MID1: variants seen among roughly 807,000 people sequenced by gnomAD.
MID1 encodes the protein E3 ubiquitin-protein ligase Midline-1.
In MID1, 7 loss-of-function variants were observed where a neutral mutation model predicts 40.4. That is an observed-to-expected ratio of 0.17 (90% CI 0.10 to 0.33). The LOEUF (loss-of-function observed/expected upper bound fraction) is 0.33, where lower values mean the gene tolerates loss of function less well. MID1 is among the 10% of genes least tolerant of loss of function. The probability of loss-of-function intolerance (pLI) is 1.00; values close to 1 mark genes in which losing one functional copy is unlikely to be tolerated. For synonymous variants in MID1, 229 were observed against 221.2 expected (o/e 1.04, Z -0.31); for missense variants, 367 against 558.5 (o/e 0.66, Z 3.46).
chrX:10,823,811 G>A (rs2044195642), intron 1 of MID1, among the ~76,000 whole-genome samples: 1 of 111,221 alleles, frequency 9.0e-6, no homozygotes, highest in African/African-American at 3.3e-5. Context: ...AAATGGTCTT[G>A]GAAGCGACAA....
chrX:10,467,983 G>T, intron 7 of MID1, among the ~76,000 whole-genome samples: 1 of 111,291 alleles, frequency 9.0e-6, no homozygotes, highest in Middle Eastern at 4.7e-3. Context: ...GCCTTAACTT[G>T]CTAAAATGCA....
intron 4 of MID1, among the ~76,000 whole-genome samples, chrX:10,488,024 C>T (rs188433407): frequency 0.064 from 6,592 of 102,712 alleles, 530 homozygotes; most frequent in African/African-American, 0.2. Flanking sequence ...CTCTATCACC[C>T]GGGCTGGAGT....
intron 1 of MID1, among the ~76,000 whole-genome samples, chrX:10,695,223 C>A (rs933400428): frequency 1.3e-4 from 15 of 111,833 alleles, no homozygotes; most frequent in Non-Finnish European, 2.8e-4. Flanking sequence ...CTCCTGGGCT[C>A]AAGCAATCCT....
rs5979355 is a variant in MID1 at position 10,811,983 on chromosome X, G to A, written c.-187+21571C>T. 1.7e-3 allele frequency among the ~76,000 whole-genome samples: 188 copies of A among 111,628 alleles called. 1 individual carries two copies. Among genetic ancestry groups the A allele is most frequent in the African/African-American group, 5.9e-3 (182 of 30,777 alleles). On this transcript the variant is annotated intron_variant, in intron 1 of 10. Coordinates refer to the MID1 transcript ENST00000380785. ...AGGTTTTTTTGTTATGTCATTAATG[G>A]TTAATTTAAAGTTGGCAACCCATAT...
At chrX:10,804,386 G>A (rs1265067572) in intron 1 of MID1, among the ~76,000 whole-genome samples, 1 of 111,641 alleles carries the variant, frequency 9.0e-6, no homozygotes, top group Non-Finnish European at 1.9e-5. Flanking sequence ...AATAGAAACT[G>A]AGGTACATAA....
intron 1 of MID1, among the ~76,000 whole-genome samples, chrX:10,597,609 C>G (rs1284912585): frequency 9.0e-6 from 1 of 111,595 alleles, no homozygotes. Flanking sequence ...TAGATTTATA[C>G]TATATTTGTG....
In MID1 at chrX:10,567,417, G is replaced by C; in HGVS notation, c.131C>G (p.Thr44Ser). 8.3e-7 allele frequency: 1 copy of C among 1,209,674 alleles called. No individual in the cohort carries two copies. Among genetic ancestry groups the C allele is most frequent in the South Asian group, 1.8e-5 (1 of 56,745 alleles). The change falls in exon 2 of 10, where the codon ACC (threonine) becomes AGC (serine). Residue 44 changes from threonine to serine, a missense_variant. Physicochemically the swap from Thr to Ser is moderately conservative, Grantham distance 58. Around this residue, in one of 3 missense-constraint regions of MID1, gnomAD observed 78 missense variants for 112.6 expected, o/e 0.69. Coordinates refer to ENST00000317552, the MANE Select transcript of MID1 (RefSeq NM_000381.4). ...GGTGATGGACTCCACAGACTCGTTG[G>C]TGGCACAGTGTGATACTAGGATGCG... ...AHRILVSHCA[T>S]NESVESITAF...
intron 4 of MID1, among the ~76,000 whole-genome samples, chrX:10,491,031 A>G (rs1930917936): frequency 8.9e-6 from 1 of 111,762 alleles, no homozygotes; most frequent in African/African-American, 3.3e-5. Flanking sequence ...TTCCTTCATC[A>G]ACCTTAACTA....
intron 5 of MID1, 37 bp from the exon 6 acceptor site, chrX:10,474,787 A>G (rs749981226): frequency 8.4e-7 from 1 of 1,189,108 alleles, no homozygotes; most frequent in Non-Finnish European, 1.1e-6. Flanking sequence ...AGAAATGTCA[A>G]GATGACTTTC....
At chrX:10,789,525 C>A (rs963696372) in intron 1 of MID1, among the ~76,000 whole-genome samples, 1 of 112,090 alleles carries the variant, frequency 8.9e-6, no homozygotes, top group African/African-American at 3.2e-5. Context: ...CAGTTGCCTG[C>A]AGTATTCAGT....
At chrX:10,506,530 GAGCTGGTTGAA>G (rs1186335380) in intron 3 of MID1, 2 of 515,582 alleles carry the variant, frequency 3.9e-6, no homozygotes, top group Non-Finnish European at 6.9e-6. Context: ...CTCCCATCAG[GAGCTGGTTGAA>G]AGCTGTTGGG....
At chrX:10,496,298 C>G (rs1368345979) in intron 3 of MID1, among the ~76,000 whole-genome samples, 1 of 112,258 alleles carries the variant, frequency 8.9e-6, no homozygotes, top group Non-Finnish European at 1.9e-5. Context: ...TAGTATACTT[C>G]TGAAAGATCA....
At chrX:10,517,050 A>G (rs1422609486) in intron 3 of MID1, among the ~76,000 whole-genome samples, 1 of 111,948 alleles carries the variant, frequency 8.9e-6, no homozygotes, top group Admixed American at 9.5e-5. Flanking sequence ...CTGAAGGGGA[A>G]CCTTCAAACT....
rs1032775335 is a variant in MID1 at position 10,620,428 on chromosome X, A to G, written c.-195T>C. 8.8e-6 allele frequency: 1 copy of G among 113,128 alleles called. No individual in the cohort carries two copies. Among genetic ancestry groups the G allele is most frequent in the Non-Finnish European group, 1.9e-5 (1 of 53,350 alleles). The allele number at this position is 113,128 out of a possible 1,213,427, so 9.3% of individuals were successfully genotyped here. On this transcript the variant is annotated 5_prime_UTR_variant, in exon 1 of 10. Transcript: ENST00000317552. ...AAGCAACCCGGCGAAATCTACGGGC[A>G]GCAAAGAGCACGTTTTCGTCCTCTT...
intron 1 of MID1, among the ~76,000 whole-genome samples, chrX:10,770,726 T>G (rs1241311829): frequency 8.9e-6 from 1 of 112,160 alleles, no homozygotes; most frequent in Non-Finnish European, 1.9e-5. Flanking sequence ...CTCCTCTAAA[T>G]TCTTCATTTT....
At chrX:10,751,069 AGCTTGGCCAACATG>A (rs1266673260) in intron 1 of MID1, among the ~76,000 whole-genome samples, 1 of 110,540 alleles carries the variant, frequency 9.0e-6, no homozygotes, top group East Asian at 2.8e-4. Flanking sequence ...GTTCGAAACC[AGCTTGGCCAACATG>A]GCAAAACCCC....
chrX:10,582,846 A>G (rs779379757), intron 1 of MID1: 1 of 112,229 alleles, frequency 8.9e-6, no homozygotes, highest in South Asian at 3.7e-4. Flanking sequence ...ATAGACTAAA[A>G]CTGGAATGAT....
intron 1 of MID1, among the ~76,000 whole-genome samples, chrX:10,763,467 C>T (rs895158585): frequency 3.6e-5 from 4 of 110,975 alleles, no homozygotes; most frequent in Non-Finnish European, 5.7e-5. Context: ...TCTCCAGCTT[C>T]ATCCATGTCC....
At chrX:10,524,198 T>G (rs1407060160) in intron 2 of MID1, among the ~76,000 whole-genome samples, 1 of 112,008 alleles carries the variant, frequency 8.9e-6, no homozygotes, top group Admixed American at 9.5e-5. Flanking sequence ...CTTAAAGTTC[T>G]CTGGAATGAC....
Sources: allele counts gnomAD v4.1 joint callset (sites outside exome capture counted in the v4.1 genomes callset), GRCh38; gene constraint gnomAD v4.1.1; regional missense constraint gnomAD v4.1.1; transcripts MANE v1.5; gene names NCBI Gene and HGNC (gene_info 2026-07-23, HGNC 2026-07-21).